Variants in DLC1 observed in about 807,000 individuals in gnomAD.
DLC1 encodes DLC1 Rho GTPase activating protein.
In DLC1, 54 loss-of-function variants were observed where a neutral mutation model predicts 140.3. The ratio of observed to expected loss-of-function variants is 0.38; its 90% confidence interval spans 0.31 to 0.48. The LOEUF is 0.48. DLC1 is among the 20% of genes least tolerant of loss of function. The pLI, the probability that DLC1 is intolerant of heterozygous loss-of-function variation, is 0.96. For synonymous variants in DLC1, 986 were observed against 728.1 expected, an observed-to-expected ratio of 1.35 and a Z score of -5.70; for missense variants, 2,536 against 1,907.0, an observed-to-expected ratio of 1.33 and a Z score of -6.14.
intron 4 of DLC1, among the ~76,000 whole-genome samples, chr8:13,336,779 T>G (rs576367474): frequency 6.6e-6 from 1 of 152,196 alleles, no homozygotes; most frequent in Non-Finnish European, 1.5e-5. Flanking sequence ...ATAATGTACA[T>G]AATATATTAA....
intron 2 of DLC1, among the ~76,000 whole-genome samples, chr8:13,459,212 A>G (rs2117015040): frequency 6.6e-6 from 1 of 152,250 alleles, no homozygotes; most frequent in East Asian, 1.9e-4. Context: ...AGAATTTCTA[A>G]GCTCTGTGAA....
intron 5 of DLC1, among the ~76,000 whole-genome samples, chr8:13,289,754 A>C (rs1831686448): frequency 6.6e-6 from 1 of 152,196 alleles, no homozygotes; most frequent in African/African-American, 2.4e-5. Flanking sequence ...ATAAAATAAG[A>C]ACCTTGTTCC....
chr8:13,544,507 C>G (rs1326984148), intron 1 of DLC1, among the ~76,000 whole-genome samples: 1 of 152,056 alleles, frequency 6.6e-6, no homozygotes, highest in Non-Finnish European at 1.5e-5. Context: ...ATGGGAGGAT[C>G]TGAGAGCCTA....
At chr8:13,397,825 C>A (rs1435273452) in intron 3 of DLC1, among the ~76,000 whole-genome samples, 1 of 151,702 alleles carries the variant, frequency 6.6e-6, no homozygotes, top group African/African-American at 2.4e-5. Context: ...ACATATTAAG[C>A]ATGCAAATTA....
chr8:13,405,357 C>G (rs1837478885), intron 2 of DLC1, among the ~76,000 whole-genome samples: 2 of 151,964 alleles, frequency 1.3e-5, no homozygotes, highest in Non-Finnish European at 2.9e-5. Flanking sequence ...TTTGAGTGCC[C>G]AACAATTAAC....
rs79648206 is a variant in DLC1, at chr8:13,595,172, G to T, written c.-126+9365C>A. 1.3e-3 allele frequency among the ~76,000 whole-genome samples: 201 copies of T among 151,990 alleles called. 5 individuals are homozygous for T. In the East Asian group the frequency reaches 0.038, roughly 28 times the overall value. On this transcript the variant is annotated intron_variant, in intron 1 of 1. Transcript: ENST00000631382. ...AGCATTAAGATTACTAAAAATAATG[G>T]CACCAATGGCCCTCACTCCTATTCC...
chr8:13,368,586 G>A (rs1005857315), intron 4 of DLC1, among the ~76,000 whole-genome samples: 8 of 151,628 alleles, frequency 5.3e-5, no homozygotes, highest in Admixed American at 2.6e-4. Flanking sequence ...TTCTGTCAGA[G>A]AGAATTTTCC....
In DLC1 at chr8:13,488,881, C is replaced by T. The variant is rs1302734406; in HGVS notation, c.1023+10168G>A. 2.6e-5 allele frequency among the ~76,000 whole-genome samples: 4 copies of T among 152,256 alleles called. No individual in the cohort carries two copies. The East Asian group carries it at 5.8e-4, about 22-fold the overall frequency. On this transcript the variant is annotated intron_variant, in intron 2 of 17. Transcript: ENST00000276297. Reference sequence around the variant, plus strand: ...ATTCTACACCACACATAGCAAAGTGCATGGGAAAGAGAAGATAATAAATAT... The same window carrying T: ...ATTCTACACCACACATAGCAAAGTGTATGGGAAAGAGAAGATAATAAATAT...
chr8:13,355,003 T>C (rs138480893), intron 4 of DLC1, among the ~76,000 whole-genome samples: 148 of 151,902 alleles, frequency 9.7e-4, no homozygotes, highest in African/African-American at 3.5e-3. Context: ...TCAATGAATG[T>C]TCTCATTTCT....
At chr8:13,491,855 T>C (rs1239374535) in intron 2 of DLC1, among the ~76,000 whole-genome samples, 3 of 152,186 alleles carry the variant, frequency 2.0e-5, no homozygotes, top group Non-Finnish European at 4.4e-5. Context: ...CACTTAGCAT[T>C]ATCCTCTGAA....
At chr8:13,131,234 T>C (rs1168551219) in intron 5 of DLC1, among the ~76,000 whole-genome samples, 3 of 152,154 alleles carry the variant, frequency 2.0e-5, no homozygotes, top group Non-Finnish European at 2.9e-5. Context: ...GTAGTCCAGA[T>C]GGATGGCGAA....
chr8:13,482,070 C>G (rs543253492), intron 2 of DLC1, among the ~76,000 whole-genome samples: 1 of 152,286 alleles, frequency 6.6e-6, no homozygotes, highest in Admixed American at 6.5e-5. Context: ...TCTGGGACTT[C>G]TAGACCACAA....
intron 5 of DLC1, among the ~76,000 whole-genome samples, chr8:13,169,265 G>C (rs941753981): frequency 2.0e-5 from 3 of 152,050 alleles, no homozygotes; most frequent in Admixed American, 1.3e-4. Flanking sequence ...TAATACTGTG[G>C]GGTTTTGTTG....
chr8:13,306,140 G>C (rs982674118), intron 4 of DLC1, among the ~76,000 whole-genome samples: 3 of 152,154 alleles, frequency 2.0e-5, no homozygotes. Flanking sequence ...GATCTTCAGG[G>C]AAAAGCCACT....
At chr8:13,123,785 A>G (rs960378028) in intron 5 of DLC1, among the ~76,000 whole-genome samples, 2 of 152,194 alleles carry the variant, frequency 1.3e-5, no homozygotes, top group African/African-American at 4.8e-5. Flanking sequence ...TATCCCAAGC[A>G]CCTACAACAG....
In DLC1 at chr8:13,088,498, G is replaced by A. The variant is rs73552359; in HGVS notation, c.4281C>T (p.Tyr1427=). ...TGGGAAGCGCTCACCTTAAAACAAC[G>A]TAGTCTCGAGCAGGATGAGGTGCCA... ...NSMAPHPARD[Y]VVLRTWRTNL... is the part of the protein sequence containing the mutation. The change falls in exon 16 of 18, where the codon TAC becomes TAT. Residue 1427 remains tyrosine, a synonymous_variant. Transcript: ENST00000276297. 72 of 1,614,192 alleles carry A rather than the reference G, an allele frequency of 4.5e-5. No homozygotes were observed. The highest frequency in any genetic ancestry group is 3.3e-4 in the Middle Eastern group (2 of 6,062).
intron 5 of DLC1, among the ~76,000 whole-genome samples, chr8:13,128,228 G>C (rs993829250): frequency 2.6e-5 from 4 of 152,104 alleles, no homozygotes; most frequent in African/African-American, 9.7e-5. Flanking sequence ...TGGGAGAAAA[G>C]TTTCCTTTAG....
At chr8:13,539,422 A>T (rs1585254577) in intron 1 of DLC1, among the ~76,000 whole-genome samples, 1 of 152,054 alleles carries the variant, frequency 6.6e-6, no homozygotes, top group African/African-American at 2.4e-5. Context: ...AGATGGTCTC[A>T]ATCTCCTGAC....
chr8:13,509,359 C>T lies in DLC1; in HGVS notation c.-126+5243G>A, dbSNP rs115752184. On this transcript the variant is annotated intron_variant, in intron 1 of 17. Coordinates refer to ENST00000276297, the MANE Select transcript of DLC1 (RefSeq NM_182643.3). ...TTCACTGAAATCAGGAACAAGATGTCATTAGGAACTTAATTACTTCTGTTA... is the reference window on the plus strand; with the variant it reads ...TTCACTGAAATCAGGAACAAGATGTTATTAGGAACTTAATTACTTCTGTTA... 3.3e-3 allele frequency among the ~76,000 whole-genome samples: 507 copies of T among 152,266 alleles called. 3 individuals carry two copies. Among genetic ancestry groups the T allele is most frequent in the African/African-American group, 0.012 (493 of 41,550 alleles).
Sources: allele counts gnomAD v4.1 joint callset (sites outside exome capture counted in the v4.1 genomes callset), GRCh38; gene constraint gnomAD v4.1.1; transcripts MANE v1.5; gene names NCBI Gene and HGNC (gene_info 2026-07-23, HGNC 2026-07-21).